The following BMPR2 variants were observed in gnomAD, a reference collection of about 807,000 sequenced individuals.
The protein encoded by BMPR2 is bone morphogenetic protein receptor type-2.
In BMPR2, 29 loss-of-function variants were observed where a neutral mutation model predicts 100.8. The ratio of observed to expected loss-of-function variants is 0.29; its 90% CI spans 0.21 to 0.39. The LOEUF (loss-of-function observed/expected upper bound fraction) is 0.39. Among genes scored for constraint, BMPR2 ranks in the 10% least tolerant of loss-of-function variants. The pLI, the probability that BMPR2 is intolerant of heterozygous loss-of-function variation, is 1.00. For synonymous variants in BMPR2, 382 were observed against 442.3 expected (o/e 0.86, Z 1.71); for missense variants, 1,011 against 1,274.5 (o/e 0.79, Z 3.15).
intron 9 of BMPR2, among the ~76,000 whole-genome samples, chr2:202,538,227 G>C (rs941027957): frequency 6.6e-6 from 1 of 152,100 alleles, no homozygotes; most frequent in Non-Finnish European, 1.5e-5. Flanking sequence ...GCTGAGGTGG[G>C]TGGATCATTT....
intron 3 of BMPR2, among the ~76,000 whole-genome samples, chr2:202,497,238 C>T (rs540044903): frequency 4.1e-4 from 62 of 152,350 alleles, no homozygotes; most frequent in East Asian, 7.7e-4. Context: ...CGATGAGTGC[C>T]GCCCCCTGCT....
chr2:202,448,266 G>A (rs188625998), intron 1 of BMPR2, among the ~76,000 whole-genome samples: 1 of 150,862 alleles, frequency 6.6e-6, no homozygotes, highest in Admixed American at 6.6e-5. Flanking sequence ...TGGCTAACAT[G>A]GTGAAACCCC....
At position 202,481,766 on chromosome 2, in the gene BMPR2, TTCTG is replaced by T. The variant is rs1315244191; in HGVS notation, c.418+14081_418+14084del. Among the ~76,000 whole-genome samples, 18 of 152,368 alleles carry T rather than the reference TTCTG, an allele frequency of 1.2e-4. No individual in the cohort carries two copies. The East Asian group carries it at 2.1e-3, about 18-fold the overall frequency. On this transcript the variant is annotated intron_variant, in intron 3 of 12. Coordinates refer to ENST00000374580, the MANE Select transcript of BMPR2 (RefSeq NM_001204.7). ...CCTAATTATTTTTCAGAGCAGTGTTTTCTGTCTTAGTCAAGACAGCTGCATGTAG... is the reference window on the plus strand; with the variant it reads ...CCTAATTATTTTTCAGAGCAGTGTTTTCTTAGTCAAGACAGCTGCATGTAG...
intron 1 of BMPR2, among the ~76,000 whole-genome samples, chr2:202,426,982 C>T (rs989299728): frequency 5.9e-5 from 9 of 152,042 alleles, no homozygotes; most frequent in South Asian, 2.1e-4. Context: ...GTTATTCAGG[C>T]GAGATATGAT....
chr2:202,560,265 ATG>A lies in BMPR2; in HGVS notation c.*321_*322del. 3.0e-6 allele frequency: 1 copy of A among 334,706 alleles called. No individual in the cohort carries two copies. The highest frequency in any genetic ancestry group is 5.6e-6 in the Non-Finnish European group (1 of 177,130). 20.7% of individuals were successfully genotyped at this position (334,706 alleles called of 1,614,324 possible). On this transcript the variant is annotated 3_prime_UTR_variant, in exon 13 of 13. Coordinates refer to ENST00000374580, the MANE Select transcript of BMPR2 (RefSeq NM_001204.7). Reference sequence around the variant, plus strand: ...TTTTTTAAGAAAAAAAGCAAAAACAATGTATTGCTGATAATCAGTTTGGACCA... The same window carrying A: ...TTTTTTAAGAAAAAAAGCAAAAACAATATTGCTGATAATCAGTTTGGACCA...
intron 1 of BMPR2, among the ~76,000 whole-genome samples, chr2:202,385,610 C>T (rs186103648): frequency 1.3e-3 from 199 of 148,314 alleles, no homozygotes; most frequent in African/African-American, 4.5e-3. Flanking sequence ...GTGATCTGCC[C>T]GCCTCAGCCT....
intron 1 of BMPR2, among the ~76,000 whole-genome samples, chr2:202,462,859 A>G (rs1017153185): frequency 1.3e-5 from 2 of 151,868 alleles, no homozygotes; most frequent in African/African-American, 2.4e-5. Flanking sequence ...TTACAGGCGT[A>G]CACCACCATG....
At chr2:202,456,092 A>G (rs1470699992) in intron 1 of BMPR2, among the ~76,000 whole-genome samples, 1 of 140,098 alleles carries the variant, frequency 7.1e-6, no homozygotes, top group Non-Finnish European at 1.6e-5. Flanking sequence ...AAAAAAAAAA[A>G]AAAAAAAAAA....
At chr2:202,486,152 T>A (rs1417554014) in intron 3 of BMPR2, among the ~76,000 whole-genome samples, 1 of 152,102 alleles carries the variant, frequency 6.6e-6, no homozygotes, top group Admixed American at 6.6e-5. Context: ...GGAGGAGGAA[T>A]GCTTGTCTTA....
intron 3 of BMPR2, among the ~76,000 whole-genome samples, chr2:202,510,188 G>T (rs964875956): frequency 2.2e-4 from 34 of 152,202 alleles, no homozygotes; most frequent in Non-Finnish European, 2.2e-4. Flanking sequence ...GGAGGCCAAG[G>T]TGGGCAGATC....
chr2:202,465,763 G>A (rs1692307647), intron 2 of BMPR2, among the ~76,000 whole-genome samples: 1 of 152,016 alleles, frequency 6.6e-6, no homozygotes, highest in South Asian at 2.1e-4. Flanking sequence ...TGAGGCAGGA[G>A]AATGGCATGA....
intron 1 of BMPR2, among the ~76,000 whole-genome samples, chr2:202,428,928 C>T (rs755024486): frequency 2.0e-5 from 3 of 152,024 alleles, no homozygotes; most frequent in Non-Finnish European, 4.4e-5. Flanking sequence ...TGATCCAGAC[C>T]CCAAGAGAGG....
intron 3 of BMPR2, among the ~76,000 whole-genome samples, chr2:202,485,545 C>CCTTTT (rs1692756541): frequency 1.6e-5 from 1 of 64,010 alleles, no homozygotes; most frequent in Admixed American, 3.1e-4. Context: ...TTGCCTTTAT[C>CCTTTT]TTTTTTTTTT....
chr2:202,456,292 C>T (rs1270836604), intron 1 of BMPR2, among the ~76,000 whole-genome samples: 2 of 150,880 alleles, frequency 1.3e-5, no homozygotes, highest in African/African-American at 4.9e-5. Flanking sequence ...CTGCCTCAGC[C>T]TCCCAACTTG....
intron 1 of BMPR2, among the ~76,000 whole-genome samples, chr2:202,382,158 C>G (rs1353617850): frequency 6.7e-6 from 1 of 148,800 alleles, no homozygotes; most frequent in African/African-American, 2.5e-5. Flanking sequence ...CTCCCAGGTT[C>G]AAGCCATTCT....
At chr2:202,517,484 A>G (rs1016011458) in intron 5 of BMPR2, among the ~76,000 whole-genome samples, 1 of 151,692 alleles carries the variant, frequency 6.6e-6, no homozygotes, top group Non-Finnish European at 1.5e-5. Context: ...TCTCCACAAA[A>G]GTGACTACAG....
At chr2:202,522,567 C>CA (rs369888404) in intron 7 of BMPR2, among the ~76,000 whole-genome samples, 57 of 151,300 alleles carry the variant, frequency 3.8e-4, no homozygotes, top group Non-Finnish European at 6.9e-4. Flanking sequence ...CAGTGACTCA[C>CA]ATCTATAATC....
At chr2:202,500,142 G>A (rs180949871) in intron 3 of BMPR2, among the ~76,000 whole-genome samples, 19 of 152,240 alleles carry the variant, frequency 1.2e-4, no homozygotes, top group Admixed American at 4.6e-4. Context: ...ACTGAGCCCC[G>A]GGTATGTTTA....
chr2:202,477,421 T>C (rs1692571396), intron 3 of BMPR2, among the ~76,000 whole-genome samples: 1 of 152,164 alleles, frequency 6.6e-6, no homozygotes, highest in Non-Finnish European at 1.5e-5. Flanking sequence ...TCCTATGATA[T>C]TTGTTGTTTC....
Sources: allele counts gnomAD v4.1 joint callset (sites outside exome capture counted in the v4.1 genomes callset), GRCh38; gene constraint gnomAD v4.1.1; transcripts MANE v1.5; gene names NCBI Gene and HGNC (gene_info 2026-07-23, HGNC 2026-07-21).